EYA2: variants seen among roughly 807,000 people sequenced by gnomAD.
EYA2 encodes EYA transcriptional coactivator and phosphatase 2.
EYA2 carries 31 observed loss-of-function variants against 69.2 expected under a neutral mutation model. The ratio of observed to expected loss-of-function variants is 0.45; its 90% CI spans 0.34 to 0.60. The LOEUF is 0.60. Ranked by LOEUF, EYA2 falls within the 20% of genes least tolerant of loss-of-function variation. EYA2 has a pLI of 0.02. For synonymous variants in EYA2, 257 were observed against 279.4 expected (o/e 0.92, Z 0.80); for missense variants, 622 against 701.2 (o/e 0.89, Z 1.28).
intron 5 of EYA2, among the ~76,000 whole-genome samples, chr20:47,034,188 GTA>G (rs2146402575): frequency 6.6e-6 from 1 of 152,262 alleles, no homozygotes; most frequent in East Asian, 1.9e-4. Context: ...TGTTCCCTAT[GTA>G]TTTTTTGTGT....
Position 46,935,552 on chromosome 20 carries a change from G to A in EYA2, c.-11+40565G>A, listed in dbSNP as rs368821244. ...CTCTTGGAAACTGGGCACCATGATA[G>A]CAAGTGCCTTAGTGGAATGGTAATC... On this transcript the variant is annotated intron_variant, in intron 1 of 15. Transcript: ENST00000327619. 6.4e-4 allele frequency among the ~76,000 whole-genome samples: 97 copies of A among 152,228 alleles called. 2 individuals are homozygous for A. The South Asian group carries it at 0.019, about 30-fold the overall frequency.
intron 9 of EYA2, among the ~76,000 whole-genome samples, chr20:47,135,978 C>T (rs1038349095): frequency 6.6e-6 from 1 of 151,900 alleles, no homozygotes; most frequent in Non-Finnish European, 1.5e-5. Context: ...GGTCATGCCA[C>T]TGCACTCCAG....
intron 7 of EYA2, among the ~76,000 whole-genome samples, chr20:47,076,381 C>A (rs1182332112): frequency 6.6e-6 from 1 of 152,144 alleles, no homozygotes; most frequent in Non-Finnish European, 1.5e-5. Context: ...TATTTTTTGA[C>A]TTTTTAATAA....
intron 5 of EYA2, among the ~76,000 whole-genome samples, chr20:47,061,684 A>G (rs1046410504): frequency 6.6e-6 from 1 of 152,208 alleles, no homozygotes; most frequent in Non-Finnish European, 1.5e-5. Flanking sequence ...AAAGTGAGAC[A>G]TGTTTACAGC....
chr20:46,919,261 G>T (rs1179608832), intron 1 of EYA2, among the ~76,000 whole-genome samples: 3 of 152,236 alleles, frequency 2.0e-5, no homozygotes, highest in Non-Finnish European at 4.4e-5. Flanking sequence ...GTCGTTTGAG[G>T]CTGTGAAGTC....
At position 47,172,816 on chromosome 20, in the gene EYA2, C is replaced by T. The variant is rs760779973; in HGVS notation, c.1147C>T (p.Arg383Cys). The T allele has an allele frequency of 3.7e-6, 6 of 1,614,142 alleles. No individual in the cohort carries two copies. The highest frequency in any genetic ancestry group is 1.1e-5 in the South Asian group (1 of 91,080). Residue 383 changes from arginine to cysteine, a missense_variant, in exon 12 of 16, where the codon CGC becomes TGC. By Grantham distance (180) the Arg-to-Cys change is radical. Coordinates refer to ENST00000327619, the MANE Select transcript of EYA2 (RefSeq NM_005244.5). ...GVDWMRKLAF[R>C]YRRVKEMYNT... ...GGACTGGATGAGGAAGCTGGCCTTC[C>T]GCTACCGGCGGGTGAAGGAGATGTA...
chr20:47,018,878 C>A (rs1983576320), intron 5 of EYA2, among the ~76,000 whole-genome samples: 1 of 152,162 alleles, frequency 6.6e-6, no homozygotes, highest in Non-Finnish European at 1.5e-5. Flanking sequence ...TCTCTGGTGC[C>A]ACTTCCTCTA....
At chr20:47,084,485 G>T (rs2031829503) in intron 7 of EYA2, among the ~76,000 whole-genome samples, 1 of 152,104 alleles carries the variant, frequency 6.6e-6, no homozygotes, top group Non-Finnish European at 1.5e-5. Context: ...ACATTGCAGG[G>T]AGCTGTAATT....
intron 9 of EYA2, among the ~76,000 whole-genome samples, chr20:47,114,412 C>T (rs576441314): frequency 6.6e-6 from 1 of 152,190 alleles, no homozygotes; most frequent in East Asian, 1.9e-4. Context: ...GTCAGGAGTT[C>T]GAGACCAGCC....
chr20:47,145,891 A>T (rs1167239544), intron 10 of EYA2, among the ~76,000 whole-genome samples: 1 of 150,130 alleles, frequency 6.7e-6, no homozygotes, highest in African/African-American at 2.5e-5. Context: ...ACAGATTGAA[A>T]CTCCATCTTA....
At chr20:47,144,425 C>T (rs577433234) in intron 10 of EYA2, among the ~76,000 whole-genome samples, 12 of 151,954 alleles carry the variant, frequency 7.9e-5, no homozygotes, top group Admixed American at 5.9e-4. Flanking sequence ...AATTCTATTT[C>T]TCTTAGTAGG....
chr20:46,908,870 CTTTTTTTTTTTT>C (rs56834738), intron 1 of EYA2, among the ~76,000 whole-genome samples: 1,146 of 47,536 alleles, frequency 0.024, 51 homozygotes, highest in African/African-American at 0.091. Flanking sequence ...CTCTCCCGCA[CTTTTTTTTTTTT>C]TTTTTTTTTT....
At chr20:47,140,229 C>T (rs1333991504) in intron 9 of EYA2, among the ~76,000 whole-genome samples, 1 of 152,160 alleles carries the variant, frequency 6.6e-6, no homozygotes, top group African/African-American at 2.4e-5. Context: ...ACACGATTCC[C>T]TCCTAGGCCC....
intron 5 of EYA2, among the ~76,000 whole-genome samples, chr20:47,021,615 A>G (rs556791445): frequency 7.6e-6 from 1 of 131,066 alleles, no homozygotes; most frequent in East Asian, 2.1e-4. Context: ...CGACAAAGCG[A>G]GACTCCATCT....
intron 11 of EYA2, among the ~76,000 whole-genome samples, chr20:47,169,635 A>G (rs2034279227): frequency 6.6e-6 from 1 of 152,230 alleles, no homozygotes; most frequent in Non-Finnish European, 1.5e-5. Context: ...CATAACAGAA[A>G]AAATTCAAAC....
intron 9 of EYA2, among the ~76,000 whole-genome samples, chr20:47,113,790 GT>G (rs1427575362): frequency 3.5e-4 from 53 of 151,580 alleles, no homozygotes; most frequent in African/African-American, 1.2e-3. Context: ...AGACCATAAT[GT>G]TTCTGCTTTT....
chr20:47,177,391 C>T (rs925820447), intron 12 of EYA2, among the ~76,000 whole-genome samples: 2 of 152,326 alleles, frequency 1.3e-5, no homozygotes, highest in East Asian at 1.9e-4. Context: ...GGGTTACAGG[C>T]GTGGGCCACC....
At chr20:46,946,187 C>A (rs1467331037) in intron 1 of EYA2, among the ~76,000 whole-genome samples, 1 of 152,172 alleles carries the variant, frequency 6.6e-6, no homozygotes, top group Non-Finnish European at 1.5e-5. Flanking sequence ...ATTGCTGGAC[C>A]CTCTGCCAAG....
intron 1 of EYA2, among the ~76,000 whole-genome samples, chr20:46,935,912 C>G (rs1285665481): frequency 1.3e-5 from 2 of 152,062 alleles, no homozygotes; most frequent in African/African-American, 4.8e-5. Flanking sequence ...CATCTGCAAT[C>G]TGAAAATCTG....
Sources: allele counts gnomAD v4.1 joint callset (sites outside exome capture counted in the v4.1 genomes callset), GRCh38; gene constraint gnomAD v4.1.1; transcripts MANE v1.5; gene names NCBI Gene and HGNC (gene_info 2026-07-23, HGNC 2026-07-21).